Variants in GRIK2 observed in about 807,000 individuals in gnomAD.
GRIK2 encodes the protein glutamate receptor ionotropic, kainate 2.
GRIK2 carries 32 observed loss-of-function variants against 100.3 expected under a neutral mutation model. The observed-to-expected ratio is 0.32, with a 90% CI of 0.24 to 0.43. The LOEUF is 0.43. Ranked by LOEUF, GRIK2 falls within the 20% of genes least tolerant of loss-of-function variation. The pLI is 1.00. For synonymous variants in GRIK2, 417 were observed against 389.4 expected (o/e 1.07, Z -0.83); for missense variants, 843 against 1,114.9 (o/e 0.76, Z 3.47).
intron 14 of GRIK2, among the ~76,000 whole-genome samples, chr6:101,988,430 T>C (rs1260526067): frequency 1.3e-5 from 2 of 151,780 alleles, no homozygotes; most frequent in African/African-American, 4.8e-5. Flanking sequence ...TATTTTTAGC[T>C]CTAATTTTCT....
chr6:101,667,918 G>T (rs1770149187), intron 4 of GRIK2, among the ~76,000 whole-genome samples: 1 of 152,016 alleles, frequency 6.6e-6, no homozygotes, highest in Non-Finnish European at 1.5e-5. Flanking sequence ...GCTTCATTTA[G>T]CTACAAATAA....
chr6:101,469,702 A>G (rs1037876655), intron 2 of GRIK2, among the ~76,000 whole-genome samples: 5 of 152,158 alleles, frequency 3.3e-5, no homozygotes, highest in African/African-American at 1.2e-4. Context: ...AACAGATTCT[A>G]TAACTTTACA....
chr6:102,032,700 T>G (rs1439965317), intron 14 of GRIK2, among the ~76,000 whole-genome samples: 1 of 151,354 alleles, frequency 6.6e-6, no homozygotes, highest in Non-Finnish European at 1.5e-5. Context: ...TTTTGAGTTT[T>G]TGTTTTGTTG....
intron 7 of GRIK2, among the ~76,000 whole-genome samples, chr6:101,744,245 A>G (rs1292704096): frequency 6.6e-6 from 1 of 151,736 alleles, no homozygotes; most frequent in African/African-American, 2.4e-5. Flanking sequence ...CCCAGCCAGC[A>G]ATATGTAGTC....
intron 8 of GRIK2, among the ~76,000 whole-genome samples, chr6:101,801,712 C>T (rs1314859499): frequency 1.3e-5 from 2 of 151,860 alleles, no homozygotes; most frequent in East Asian, 1.9e-4. Flanking sequence ...TTAAAAAAGT[C>T]CAGATATTTA....
chr6:101,689,175 G>A (rs1041114093), intron 7 of GRIK2, among the ~76,000 whole-genome samples: 1 of 151,942 alleles, frequency 6.6e-6, no homozygotes, highest in East Asian at 1.9e-4. Flanking sequence ...TTAGAAAAAA[G>A]AGAAAAAAGA....
intron 12 of GRIK2, among the ~76,000 whole-genome samples, chr6:101,895,579 A>G (rs1355711717): frequency 6.6e-6 from 1 of 151,768 alleles, no homozygotes; most frequent in Non-Finnish European, 1.5e-5. Context: ...ATTATTATGC[A>G]CTTAAAAATA....
Position 101,940,722 on chromosome 6 carries a change from A to C in GRIK2, c.2085+12090A>C, listed in dbSNP as rs558588255. 2.6e-5 allele frequency among the ~76,000 whole-genome samples: 4 copies of C among 152,292 alleles called. No individual in the cohort carries two copies. In the South Asian group the frequency reaches 8.3e-4, roughly 32 times the overall value. ...AGTATCAAAAGTAGTAGTGTACTCT[A>C]AAACTCTTCCAAGAAATTTTACTAT... is the stretch of plus-strand genomic sequence containing the variant. On this transcript the variant is annotated intron_variant, in intron 14 of 16. Coordinates refer to ENST00000369134, the MANE Select transcript of GRIK2 (RefSeq NM_021956.5).
At chr6:101,855,359 A>T (rs549155519) in intron 10 of GRIK2, among the ~76,000 whole-genome samples, 1 of 152,312 alleles carries the variant, frequency 6.6e-6, no homozygotes, top group East Asian at 1.9e-4. Context: ...AAAACTTCAG[A>T]TGGGATGAGT....
intron 12 of GRIK2, among the ~76,000 whole-genome samples, chr6:101,901,485 T>TATA (rs149714179): frequency 0.087 from 13,190 of 151,816 alleles, 784 homozygotes; most frequent in Middle Eastern, 0.18. Flanking sequence ...AATAGATGAT[T>TATA]ATAATAATTT....
rs762661762 is a variant in GRIK2 at position 101,676,674 on chromosome 6, G to A, written c.593G>A (p.Arg198Gln). ...LIKAPSRYNL[R>Q]LKIRQLPADT... is the part of the protein sequence containing the mutation. Reference sequence around the variant, plus strand: ...AAAGCTCCATCAAGGTATAATCTTCGACTCAAAATTCGTCAGTTACCTGCT... The same window carrying A: ...AAAGCTCCATCAAGGTATAATCTTCAACTCAAAATTCGTCAGTTACCTGCT... Residue 198 changes from arginine to glutamine, a missense_variant, in exon 5 of 17, where the codon CGA becomes CAA. Transcript: ENST00000369134. 3 of 1,602,350 alleles carry A rather than the reference G, an allele frequency of 1.9e-6. No homozygotes were observed. The highest frequency in any genetic ancestry group is 2.6e-6 in the Non-Finnish European group (3 of 1,173,146).
intron 12 of GRIK2, among the ~76,000 whole-genome samples, chr6:101,898,779 G>A (rs1298197778): frequency 6.6e-6 from 1 of 151,790 alleles, no homozygotes; most frequent in East Asian, 1.9e-4. Flanking sequence ...GACTCAAGTG[G>A]TATTAGTATT....
At chr6:101,416,947 A>G (rs1776168249) in intron 2 of GRIK2, among the ~76,000 whole-genome samples, 1 of 152,204 alleles carries the variant, frequency 6.6e-6, no homozygotes, top group Admixed American at 6.5e-5. Context: ...TTTCAATGTT[A>G]GTGCAGCAAA....
intron 16 of GRIK2, chr6:102,063,891 A>T: frequency 1.5e-6 from 1 of 688,778 alleles, no homozygotes; most frequent in Non-Finnish European, 2.6e-6. Flanking sequence ...AATGAATTTT[A>T]TTAAGAGTTT....
At chr6:101,606,681 A>G (rs996580753) in intron 2 of GRIK2, among the ~76,000 whole-genome samples, 7 of 152,036 alleles carry the variant, frequency 4.6e-5, no homozygotes, top group Non-Finnish European at 1.0e-4. Context: ...AGTTCATATA[A>G]GTATGGTATA....
At chr6:101,871,087 A>G (rs1785385494) in intron 11 of GRIK2, among the ~76,000 whole-genome samples, 1 of 151,890 alleles carries the variant, frequency 6.6e-6, no homozygotes, top group South Asian at 2.1e-4. Context: ...CAGGAGCAGA[A>G]AGGAAATATA....
intron 7 of GRIK2, among the ~76,000 whole-genome samples, chr6:101,700,353 G>A (rs1478055410): frequency 6.6e-6 from 1 of 151,932 alleles, no homozygotes; most frequent in African/African-American, 2.4e-5. Context: ...GGAAGATAGG[G>A]CTCAAACTGA....
At chr6:101,629,884 G>A (rs1359454973) in intron 4 of GRIK2, among the ~76,000 whole-genome samples, 1 of 151,920 alleles carries the variant, frequency 6.6e-6, no homozygotes, top group Non-Finnish European at 1.5e-5. Context: ...CACGCTTGTA[G>A]TCTCCAGTGT....
intron 10 of GRIK2, among the ~76,000 whole-genome samples, chr6:101,822,067 AATTTT>A (rs1781989134): frequency 6.6e-6 from 1 of 151,294 alleles, no homozygotes; most frequent in African/African-American, 2.4e-5. Flanking sequence ...TCACTTATTT[AATTTT>A]ATTCATTATT....
Sources: allele counts gnomAD v4.1 joint callset (sites outside exome capture counted in the v4.1 genomes callset), GRCh38; gene constraint gnomAD v4.1.1; transcripts MANE v1.5; gene names NCBI Gene and HGNC (gene_info 2026-07-23, HGNC 2026-07-21).